The following GRIN2B variants were observed in gnomAD, a reference collection of about 807,000 sequenced individuals.
GRIN2B encodes the protein glutamate receptor ionotropic, NMDA 2B.
Under a neutral mutation model 114.5 loss-of-function variants are expected in GRIN2B, and 5 were observed. That is an observed-to-expected ratio of 0.04 (90% CI 0.02 to 0.09). The LOEUF (loss-of-function observed/expected upper bound fraction) is 0.09. Ranked by LOEUF, GRIN2B falls within the 10% of genes least tolerant of loss-of-function variation. The probability of loss-of-function intolerance (pLI) is 1.00; values close to 1 mark genes in which losing one functional copy is unlikely to be tolerated. For missense variants in GRIN2B, 1,108 were observed against 1,943.5 expected (o/e 0.57, Z 8.08); for synonymous variants, 787 against 745.1 (o/e 1.06, Z -0.92).
chr12:13,723,345 C>T (rs950772992), intron 4 of GRIN2B, among the ~76,000 whole-genome samples: 1 of 151,840 alleles, frequency 6.6e-6, no homozygotes, highest in African/African-American at 2.4e-5. Context: ...CTTAAGGCTT[C>T]TTAGAGCATT....
intron 5 of GRIN2B, among the ~76,000 whole-genome samples, chr12:13,626,824 TC>T (rs1203509397): frequency 5.0e-4 from 16 of 31,728 alleles, no homozygotes; most frequent in African/African-American, 1.7e-3. Flanking sequence ...CCCCCCACCC[TC>T]CCCCCTCCCC....
At chr12:13,790,228 T>C (rs146067998) in intron 3 of GRIN2B, among the ~76,000 whole-genome samples, 84 of 152,276 alleles carry the variant, frequency 5.5e-4, no homozygotes, top group African/African-American at 2.0e-3. Context: ...TTGGTCCCTC[T>C]TTCAATATCA....
chr12:13,572,746 C>T (rs1346901064), intron 10 of GRIN2B, among the ~76,000 whole-genome samples: 1 of 152,156 alleles, frequency 6.6e-6, no homozygotes, highest in Non-Finnish European at 1.5e-5. Flanking sequence ...TCTTCACAGC[C>T]TCATATAGTC....
intron 3 of GRIN2B, among the ~76,000 whole-genome samples, chr12:13,763,655 A>C (rs1483873075): frequency 4.6e-5 from 7 of 152,002 alleles, no homozygotes; most frequent in Non-Finnish European, 1.0e-4. Flanking sequence ...GCACACCCAC[A>C]CTAGCCTGAA....
At chr12:13,921,505 G>A (rs1248778880) in intron 2 of GRIN2B, among the ~76,000 whole-genome samples, 1 of 152,176 alleles carries the variant, frequency 6.6e-6, no homozygotes, top group Non-Finnish European at 1.5e-5. Context: ...CAACCTGAAG[G>A]ATGAGCTTCC....
In GRIN2B at chr12:13,542,271, G is replaced by C. The variant is rs905817235; in HGVS notation, c.*20512C>G. On this transcript the variant is annotated 3_prime_UTR_variant, in exon 14 of 14. Coordinates refer to ENST00000609686, the MANE Select transcript of GRIN2B (RefSeq NM_000834.5). ...GATTTTTTTTTTAAAGATGAACAAG[G>C]AGTAAGGTAAGTAAGAACAAATAAT... 6.6e-6 allele frequency: 1 copy of C among 151,952 alleles called. No individual in the cohort carries two copies. The highest frequency in any genetic ancestry group is 1.5e-5 in the Non-Finnish European group (1 of 68,002). 9.4% of individuals were successfully genotyped at this position (151,952 alleles called of 1,614,324 possible).
chr12:13,724,942 T>C (rs1862953189), intron 4 of GRIN2B, among the ~76,000 whole-genome samples: 1 of 152,244 alleles, frequency 6.6e-6, no homozygotes, highest in South Asian at 2.1e-4. Flanking sequence ...GTCTAGGACA[T>C]AGCAGGTCCC....
intron 12 of GRIN2B, 38 bp from the exon 13 acceptor site, chr12:13,567,301 G>A: frequency 6.9e-7 from 1 of 1,453,494 alleles, no homozygotes; most frequent in Non-Finnish European, 9.7e-7. Flanking sequence ...GATAAAAAGA[G>A]GAGACAGGAA....
At chr12:13,640,155 G>A (rs1360643440) in intron 5 of GRIN2B, among the ~76,000 whole-genome samples, 2 of 152,138 alleles carry the variant, frequency 1.3e-5, no homozygotes, top group African/African-American at 4.8e-5. Context: ...GGAGTCTGAG[G>A]TGGGAGGATT....
At chr12:13,692,837 C>T in intron 4 of GRIN2B, among the ~76,000 whole-genome samples, 1 of 133,174 alleles carries the variant, frequency 7.5e-6, no homozygotes, top group Non-Finnish European at 1.5e-5. Flanking sequence ...GGTGCCATCT[C>T]AGCTCACTGC....
chr12:13,699,970 C>T (rs1253056127), intron 4 of GRIN2B, among the ~76,000 whole-genome samples: 1 of 151,690 alleles, frequency 6.6e-6, no homozygotes, highest in East Asian at 1.9e-4. Flanking sequence ...TTCAGTGACA[C>T]CAGACCCTCA....
At chr12:13,686,662 G>T (rs1216144626) in intron 4 of GRIN2B, among the ~76,000 whole-genome samples, 3 of 152,012 alleles carry the variant, frequency 2.0e-5, no homozygotes, top group African/African-American at 7.2e-5. Context: ...AAAAGTAATT[G>T]GCGCCTGATG....
intron 4 of GRIN2B, among the ~76,000 whole-genome samples, chr12:13,708,528 C>T (rs190004248): frequency 1.9e-4 from 29 of 152,092 alleles, no homozygotes; most frequent in Middle Eastern, 3.4e-3. Context: ...TAAGTCTATC[C>T]TTTGGTTATT....
intron 4 of GRIN2B, among the ~76,000 whole-genome samples, chr12:13,698,785 T>C (rs1366383902): frequency 1.3e-5 from 2 of 152,058 alleles, no homozygotes; most frequent in African/African-American, 2.4e-5. Flanking sequence ...TGGGTTCAAG[T>C]AACTATCCTG....
chr12:13,745,150 C>A (rs1395494127), intron 4 of GRIN2B, among the ~76,000 whole-genome samples: 1 of 152,138 alleles, frequency 6.6e-6, no homozygotes, highest in Non-Finnish European at 1.5e-5. Context: ...TCTCGGGAAG[C>A]TCATGTTAGT....
intron 2 of GRIN2B, among the ~76,000 whole-genome samples, chr12:13,947,368 TCTC>T (rs1192825354): frequency 6.6e-6 from 1 of 152,154 alleles, no homozygotes; most frequent in Admixed American, 6.5e-5. Context: ...GTTGCTTTCT[TCTC>T]CTCATTATCT....
intron 5 of GRIN2B, among the ~76,000 whole-genome samples, chr12:13,669,008 G>A (rs1436369610): frequency 1.4e-5 from 2 of 142,874 alleles, no homozygotes; most frequent in South Asian, 2.5e-4. Context: ...AGGGGAGGTG[G>A]GGAGGGGAGG....
At chr12:13,973,401 C>G (rs934340067) in intron 2 of GRIN2B, among the ~76,000 whole-genome samples, 9 of 152,160 alleles carry the variant, frequency 5.9e-5, no homozygotes, top group African/African-American at 2.2e-4. Flanking sequence ...GTGAGCAGTT[C>G]AGAGGGTTAA....
chr12:13,554,362 C>G lies in GRIN2B; in HGVS notation c.*8421G>C, dbSNP rs991262768. The G allele has an allele frequency of 2.0e-5, 3 of 152,074 alleles. No individual in the cohort carries two copies. Among genetic ancestry groups the G allele is most frequent in the Admixed American group, 2.0e-4 (3 of 15,266 alleles). The allele number at this position is 152,074 out of a possible 1,614,324, so 9.4% of individuals were successfully genotyped here. ...CTGAATGGAAGATAAAGAAGTTGTT[C>G]TGGTCTTTGAAGACTTATATAGAGG... On this transcript the variant is annotated 3_prime_UTR_variant, in exon 14 of 14. Transcript: ENST00000609686.
Sources: gnomAD v4.1 joint callset for allele counts (sites outside exome capture counted in the v4.1 genomes callset) on GRCh38, gnomAD v4.1.1 for gene constraint, MANE v1.5 for transcripts, NCBI Gene and HGNC (gene_info 2026-07-23, HGNC 2026-07-21) for gene names.